Variants in SERGEF observed in about 807,000 individuals in gnomAD.
SERGEF encodes the protein secretion-regulating guanine nucleotide exchange factor.
Under a neutral mutation model 50.0 loss-of-function variants are expected in SERGEF, and 51 were observed. The ratio of observed to expected loss-of-function variants is 1.02; its 90% confidence interval spans 0.81 to 1.29. SERGEF has a LOEUF of 1.29. Among genes scored for constraint, SERGEF ranks in the 50% most tolerant of loss-of-function variants. SERGEF has a pLI of 0.00. For missense variants in SERGEF, 521 were observed against 557.0 expected (o/e 0.94, Z 0.65); for synonymous variants, 205 against 212.4 (o/e 0.97, Z 0.30).
At chr11:17,847,322 C>T (rs1446399586) in intron 10 of SERGEF, among the ~76,000 whole-genome samples, 1 of 152,060 alleles carries the variant, frequency 6.6e-6, no homozygotes, top group African/African-American at 2.4e-5. Flanking sequence ...CAGGGCTGTA[C>T]GTGACCCTGC....
At chr11:17,833,125 T>C (rs1344672267) in intron 10 of SERGEF, among the ~76,000 whole-genome samples, 5 of 152,184 alleles carry the variant, frequency 3.3e-5, no homozygotes, top group Admixed American at 3.3e-4. Context: ...CCTTCCATCA[T>C]AGGCCAGAAG....
At chr11:17,958,843 TTTC>T (rs1476470826) in intron 9 of SERGEF, among the ~76,000 whole-genome samples, 1 of 152,090 alleles carries the variant, frequency 6.6e-6, no homozygotes, top group African/African-American at 2.4e-5. Flanking sequence ...GCCTTGTCAT[TTTC>T]TTTTTTTGTT....
intron 10 of SERGEF, among the ~76,000 whole-genome samples, chr11:17,825,512 T>C (rs1032566907): frequency 6.6e-6 from 1 of 152,212 alleles, no homozygotes; most frequent in African/African-American, 2.4e-5. Flanking sequence ...GAACAAACTC[T>C]ACCTAGTGTT....
chr11:17,804,274 C>T (rs1383515950), intron 10 of SERGEF, among the ~76,000 whole-genome samples: 1 of 152,182 alleles, frequency 6.6e-6, no homozygotes, highest in Non-Finnish European at 1.5e-5. Context: ...GTTAGACTCG[C>T]TAAATTGTTT....
At chr11:17,981,821 G>C (rs969922481) in intron 8 of SERGEF, among the ~76,000 whole-genome samples, 1 of 151,738 alleles carries the variant, frequency 6.6e-6, no homozygotes, top group African/African-American at 2.4e-5. Flanking sequence ...TTCTCTTTGA[G>C]ACAGGGCCTC....
chr11:17,800,978 G>A (rs951727054), intron 10 of SERGEF, among the ~76,000 whole-genome samples: 25 of 152,014 alleles, frequency 1.6e-4, no homozygotes, highest in African/African-American at 5.8e-4. Flanking sequence ...GGTGGATCAC[G>A]AGGTCAGGAG....
intron 1 of SERGEF, among the ~76,000 whole-genome samples, chr11:18,011,087 C>T (rs1047371621): frequency 6.6e-6 from 1 of 151,940 alleles, no homozygotes; most frequent in African/African-American, 2.4e-5. Flanking sequence ...TGTTGTTTGC[C>T]TTTCTTCCTC....
intron 10 of SERGEF, among the ~76,000 whole-genome samples, chr11:17,808,471 A>T (rs570373193): frequency 6.6e-6 from 1 of 152,298 alleles, no homozygotes; most frequent in South Asian, 2.1e-4. Flanking sequence ...GAACTCAGAA[A>T]GAGAACTCAC....
At chr11:17,937,286 C>G (rs560432654) in intron 9 of SERGEF, among the ~76,000 whole-genome samples, 2 of 152,184 alleles carry the variant, frequency 1.3e-5, no homozygotes, top group South Asian at 4.1e-4. Flanking sequence ...AATCCCAACA[C>G]TTTGGGAAGC....
At chr11:17,992,220 CAT>C (rs562453688) in intron 7 of SERGEF, among the ~76,000 whole-genome samples, 25 of 151,938 alleles carry the variant, frequency 1.6e-4, no homozygotes, top group Non-Finnish European at 3.4e-4. Flanking sequence ...ATTAGAGAAA[CAT>C]ATAACAATAT....
chr11:17,934,669 C>A (rs1039204212), intron 9 of SERGEF, among the ~76,000 whole-genome samples: 1 of 152,182 alleles, frequency 6.6e-6, no homozygotes, highest in Admixed American at 6.5e-5. Context: ...GGCTGTGTGA[C>A]ATTTGTACCT....
At chr11:17,988,937 T>C (rs1853653540) in intron 7 of SERGEF, among the ~76,000 whole-genome samples, 182 bp from the exon 8 acceptor site, 1 of 152,242 alleles carries the variant, frequency 6.6e-6, no homozygotes, top group Non-Finnish European at 1.5e-5. Flanking sequence ...TACAAGATTT[T>C]CAAAAATTCT....
intron 9 of SERGEF, among the ~76,000 whole-genome samples, chr11:17,936,793 A>G (rs1163993084): frequency 6.6e-6 from 1 of 152,242 alleles, no homozygotes; most frequent in Non-Finnish European, 1.5e-5. Flanking sequence ...TCAGACACTC[A>G]GGCATCTGCC....
chr11:17,851,517 G>A (rs556482225), intron 10 of SERGEF, among the ~76,000 whole-genome samples: 6 of 152,208 alleles, frequency 3.9e-5, no homozygotes, highest in Non-Finnish European at 7.4e-5. Context: ...GTGACTGTGG[G>A]GCCCTGTGTG....
At chr11:18,006,787 A>T in intron 2 of SERGEF, 41 bp from the exon 3 acceptor site, 1 of 1,596,012 alleles carries the variant, frequency 6.3e-7, no homozygotes. Context: ...TGCACAGGAA[A>T]AAACACAACT....
chr11:18,012,928 G>A (rs985047231), intron 1 of SERGEF, 23 bp downstream of exon 1: 5 of 1,519,474 alleles, frequency 3.3e-6, no homozygotes, highest in African/African-American at 1.4e-5. Context: ...GGCCTGCACC[G>A]GCCCGGGGGC....
intron 10 of SERGEF, among the ~76,000 whole-genome samples, chr11:17,800,473 G>C (rs1364487291): frequency 6.6e-6 from 1 of 152,154 alleles, no homozygotes; most frequent in Non-Finnish European, 1.5e-5. Flanking sequence ...TCATCTGCCA[G>C]AGTTGCAGAA....
At chr11:17,877,525 G>A (rs1851260006) in intron 10 of SERGEF, among the ~76,000 whole-genome samples, 1 of 152,196 alleles carries the variant, frequency 6.6e-6, no homozygotes, top group South Asian at 2.1e-4. Flanking sequence ...TCAATACCTT[G>A]TCCAAGTTCA....
chr11:17,885,454 G>A (rs571003490), intron 9 of SERGEF, among the ~76,000 whole-genome samples: 19 of 151,766 alleles, frequency 1.3e-4, no homozygotes, highest in South Asian at 1.2e-3. Flanking sequence ...CCTGAGTAGC[G>A]AGGACTACAG....
Sources: allele counts gnomAD v4.1 joint callset (sites outside exome capture counted in the v4.1 genomes callset), GRCh38; gene constraint gnomAD v4.1.1; transcripts MANE v1.5; gene names NCBI Gene and HGNC (gene_info 2026-07-23, HGNC 2026-07-21).